NRG3: variants seen among roughly 807,000 people sequenced by gnomAD.
NRG3 encodes pro-neuregulin-3, membrane-bound isoform.
A neutral mutation model predicts 66.9 loss-of-function variants in NRG3; 31 were observed. The ratio of observed to expected loss-of-function variants is 0.46; its 90% confidence interval spans 0.35 to 0.63. The LOEUF is 0.63. Among genes scored for constraint, NRG3 ranks in the 20% least tolerant of loss-of-function variants. The pLI is 0.00. For missense variants in NRG3, 910 were observed against 878.9 expected, an observed-to-expected ratio of 1.04 and a Z score of -0.45; for synonymous variants, 393 against 359.4, an observed-to-expected ratio of 1.09 and a Z score of -1.06.
At chr10:82,701,915 A>G (rs1248875451) in intron 2 of NRG3, among the ~76,000 whole-genome samples, 3 of 152,172 alleles carry the variant, frequency 2.0e-5, no homozygotes, top group Non-Finnish European at 4.4e-5. Flanking sequence ...GATATATTAG[A>G]AGCCTGGAGA....
intron 1 of NRG3, among the ~76,000 whole-genome samples, chr10:81,914,784 A>G (rs1278978005): frequency 3.3e-5 from 5 of 150,936 alleles, no homozygotes; most frequent in Non-Finnish European, 7.4e-5. Flanking sequence ...AAAAAAAAAA[A>G]AAAAAGAAAG....
intron 1 of NRG3, among the ~76,000 whole-genome samples, chr10:82,277,859 C>T (rs987262815): frequency 6.6e-6 from 1 of 152,098 alleles, no homozygotes; most frequent in African/African-American, 2.4e-5. Context: ...GGCATAGTAT[C>T]CCTCTGAGGG....
intron 2 of NRG3, among the ~76,000 whole-genome samples, chr10:82,636,323 G>A (rs2050196121): frequency 6.6e-6 from 1 of 151,624 alleles, no homozygotes; most frequent in African/African-American, 2.4e-5. Flanking sequence ...AGAGAGCCTG[G>A]GATTAATGAC....
At chr10:82,049,125 A>T (rs2063464269) in intron 1 of NRG3, among the ~76,000 whole-genome samples, 1 of 152,160 alleles carries the variant, frequency 6.6e-6, no homozygotes, top group African/African-American at 2.4e-5. Context: ...TTTTTCATTT[A>T]TTCTTCGTAC....
chr10:82,615,325 GT>G (rs564809994), intron 2 of NRG3, among the ~76,000 whole-genome samples: 69 of 152,168 alleles, frequency 4.5e-4, no homozygotes, highest in African/African-American at 1.6e-3. Context: ...TACATATCTA[GT>G]ATTCCACTGA....
At chr10:82,618,957 GCTGTGATTTCTAC>G (rs2048852673) in intron 2 of NRG3, among the ~76,000 whole-genome samples, 3 of 150,072 alleles carry the variant, frequency 2.0e-5, no homozygotes, top group Non-Finnish European at 4.4e-5. Context: ...ATTTTATTTT[GCTGTGATTTCTAC>G]CAGGATAAAG....
chr10:82,268,366 C>T (rs1589530872), intron 1 of NRG3, among the ~76,000 whole-genome samples: 1 of 152,080 alleles, frequency 6.6e-6, no homozygotes, highest in African/African-American at 2.4e-5. Context: ...TGTGGCTGGT[C>T]TGAAACTTTC....
At chr10:82,090,739 T>C (rs1453344030) in intron 1 of NRG3, among the ~76,000 whole-genome samples, 1 of 98,540 alleles carries the variant, frequency 1.0e-5, no homozygotes, top group African/African-American at 3.9e-5. Flanking sequence ...AAACAAGACT[T>C]ATTACCATTT....
At position 81,929,312 on chromosome 10, in the gene NRG3, T is replaced by C. The variant is rs540104356; in HGVS notation, c.823+53149T>C. On this transcript the variant is annotated intron_variant, in intron 1 of 8. Coordinates refer to ENST00000372141, the MANE Select transcript of NRG3 (RefSeq NM_001010848.4). ...CCCTGCAATACCAATCTAACAAAAG[T>C]TGGATTCCTCTCAAATGGACCTTGA... Among the ~76,000 whole-genome samples, 15 of 152,308 alleles carry C rather than the reference T, an allele frequency of 9.8e-5. No homozygotes were observed. The South Asian group carries it at 3.1e-3, about 32-fold the overall frequency.
chr10:82,056,389 A>G (rs2063848667), intron 1 of NRG3, among the ~76,000 whole-genome samples: 1 of 152,208 alleles, frequency 6.6e-6, no homozygotes. Context: ...TCACTCTGAT[A>G]GGAATCTTTG....
chr10:82,267,524 G>T (rs978665280), intron 1 of NRG3, among the ~76,000 whole-genome samples: 6 of 152,192 alleles, frequency 3.9e-5, no homozygotes, highest in Admixed American at 2.0e-4. Flanking sequence ...GAGGCAGGCA[G>T]CTTCCTTGTT....
chr10:82,814,448 C>T (rs769219944), intron 3 of NRG3, among the ~76,000 whole-genome samples: 36 of 152,266 alleles, frequency 2.4e-4, no homozygotes, highest in Non-Finnish European at 4.0e-4. Context: ...ACCCAGAGGC[C>T]GCATGGGGCT....
At chr10:82,596,233 T>C (rs1565109028) in intron 2 of NRG3, among the ~76,000 whole-genome samples, 1 of 152,156 alleles carries the variant, frequency 6.6e-6, no homozygotes, top group Non-Finnish European at 1.5e-5. Context: ...GCATAGCAAG[T>C]GATTCCTGTT....
intron 1 of NRG3, among the ~76,000 whole-genome samples, chr10:82,272,511 A>C (rs2078649397): frequency 6.6e-6 from 1 of 152,088 alleles, no homozygotes; most frequent in Admixed American, 6.6e-5. Flanking sequence ...TGTAGATCTA[A>C]CCTTATAAAG....
chr10:82,072,185 C>T lies in NRG3; in HGVS notation c.823+196022C>T, dbSNP rs117690628. 4.7e-3 allele frequency among the ~76,000 whole-genome samples: 713 copies of T among 152,266 alleles called. 4 individuals carry two copies. The highest frequency in any genetic ancestry group is 5.0e-3 in the Non-Finnish European group (343 of 68,026). On this transcript the variant is annotated intron_variant, in intron 1 of 8. Coordinates refer to ENST00000372141, the MANE Select transcript of NRG3 (RefSeq NM_001010848.4). ...AAAACTGCACAGTACTTACTTTTCT[C>T]ACCTAAAAATGTATGATTATATTTT...
At chr10:81,878,020 G>C (rs575183698) in intron 1 of NRG3, 1 of 1,537,592 alleles carries the variant, frequency 6.5e-7, no homozygotes, top group East Asian at 2.4e-5. Flanking sequence ...GACTACACAC[G>C]GTAGGGGTAT....
intron 4 of NRG3, among the ~76,000 whole-genome samples, chr10:82,876,131 T>C (rs1332210638): frequency 6.6e-6 from 1 of 152,224 alleles, no homozygotes; most frequent in East Asian, 1.9e-4. Context: ...AGGAAAGTAT[T>C]GAACTATTGG....
chr10:82,939,685 G>T (rs1279508203), intron 4 of NRG3, among the ~76,000 whole-genome samples: 1 of 151,912 alleles, frequency 6.6e-6, no homozygotes, highest in East Asian at 1.9e-4. Flanking sequence ...TAGCCAGGAT[G>T]GTCTCCATCT....
intron 1 of NRG3, among the ~76,000 whole-genome samples, chr10:81,972,017 G>A (rs903798494): frequency 6.6e-6 from 1 of 152,008 alleles, no homozygotes; most frequent in African/African-American, 2.4e-5. Context: ...ACTCACACTG[G>A]GCCAGGGATA....
Sources: allele counts gnomAD v4.1 joint callset (sites outside exome capture counted in the v4.1 genomes callset), GRCh38; gene constraint gnomAD v4.1.1; transcripts MANE v1.5; gene names NCBI Gene and HGNC (gene_info 2026-07-23, HGNC 2026-07-21).